Variants in PTPRK observed in about 807,000 individuals in gnomAD.
The protein encoded by PTPRK is protein tyrosine phosphatase receptor type K.
Under a neutral mutation model 178.0 loss-of-function variants are expected in PTPRK, and 75 were observed. The ratio of observed to expected loss-of-function variants is 0.42; its 90% CI spans 0.35 to 0.51. The LOEUF is 0.51. Ranked by LOEUF, PTPRK falls within the 20% of genes least tolerant of loss-of-function variation. PTPRK has a pLI of 0.02. For synonymous variants in PTPRK, 637 were observed against 620.6 expected (o/e 1.03, Z -0.39); for missense variants, 1,441 against 1,797.8 (o/e 0.80, Z 3.59).
In PTPRK at chr6:128,397,555, G is replaced by A; in HGVS notation, c.223+11C>T. On this transcript the variant is annotated intron_variant, in intron 2 of 29. Transcript: ENST00000368226. ...ATTCCCCCAACACTGACTAAACAGA[G>A]TGACTCTCACCTTGGGGCATCTCGG... The A allele has an allele frequency of 6.2e-7, 1 of 1,613,690 alleles. No individual in the cohort carries two copies. Among genetic ancestry groups the A allele is most frequent in the Non-Finnish European group, 8.5e-7 (1 of 1,179,806 alleles).
chr6:128,324,471 TG>T (rs1829277085), intron 2 of PTPRK, among the ~76,000 whole-genome samples: 1 of 152,116 alleles, frequency 6.6e-6, no homozygotes, highest in Admixed American at 6.6e-5. Flanking sequence ...GGAAACCGGA[TG>T]GGCAAGGTAT....
Position 128,104,694 on chromosome 6 carries a change from C to T in PTPRK, c.1163-14702G>A, listed in dbSNP as rs112713032. Among the ~76,000 whole-genome samples, 756 of 152,190 alleles carry T rather than the reference C, an allele frequency of 5.0e-3. 7 individuals carry two copies. The highest frequency in any genetic ancestry group is 0.018 in the African/African-American group (727 of 41,522). ...TTTTTACTGATTGAAGGTTACTCTT[C>T]GGTAACAGAAAAGCCATCAACGAAA... On this transcript the variant is annotated intron_variant, in intron 7 of 29. Coordinates refer to ENST00000368226, the MANE Select transcript of PTPRK (RefSeq NM_002844.4).
intron 7 of PTPRK, among the ~76,000 whole-genome samples, chr6:128,152,496 A>G (rs551884559): frequency 1.3e-5 from 2 of 151,916 alleles, no homozygotes; most frequent in Non-Finnish European, 2.9e-5. Flanking sequence ...CTGACAGGGT[A>G]GGGAAAGGAG....
At chr6:128,044,001 G>A (rs962901533) in intron 13 of PTPRK, among the ~76,000 whole-genome samples, 1 of 151,796 alleles carries the variant, frequency 6.6e-6, no homozygotes, top group African/African-American at 2.4e-5. Context: ...GAAAATATTT[G>A]GAATATATAA....
chr6:128,496,691 C>A (rs1017241057), intron 1 of PTPRK, among the ~76,000 whole-genome samples: 1 of 152,124 alleles, frequency 6.6e-6, no homozygotes, highest in Admixed American at 6.5e-5. Context: ...TTATTAGCAT[C>A]CTGTAAGATT....
chr6:128,131,365 A>C (rs1260712634), intron 7 of PTPRK, among the ~76,000 whole-genome samples: 2 of 152,156 alleles, frequency 1.3e-5, no homozygotes, highest in African/African-American at 4.8e-5. Flanking sequence ...ACCATGCCTG[A>C]CTTAATAAAA....
At chr6:128,314,143 T>C (rs1827660871) in intron 3 of PTPRK, among the ~76,000 whole-genome samples, 1 of 152,198 alleles carries the variant, frequency 6.6e-6, no homozygotes, top group South Asian at 2.1e-4. Flanking sequence ...CAGGTGACAG[T>C]TCTTCCTAGA....
chr6:128,191,090 G>C (rs1803713124), intron 6 of PTPRK, among the ~76,000 whole-genome samples: 1 of 152,246 alleles, frequency 6.6e-6, no homozygotes, highest in East Asian at 1.9e-4. Context: ...CATGAAATAA[G>C]CACACATGAT....
intron 1 of PTPRK, among the ~76,000 whole-genome samples, chr6:128,492,404 T>G (rs12204168): frequency 0.027 from 4,132 of 152,306 alleles, 71 homozygotes; most frequent in Middle Eastern, 0.065. Context: ...TTTAAGCAAC[T>G]GCCTACTCAA....
At chr6:128,477,604 G>T (rs184039569) in intron 1 of PTPRK, among the ~76,000 whole-genome samples, 1 of 152,200 alleles carries the variant, frequency 6.6e-6, no homozygotes, top group Admixed American at 6.5e-5. Flanking sequence ...AATTCTAAAA[G>T]CTAAATTTCA....
intron 27 of PTPRK, 90 bp from the exon 28 acceptor site, chr6:127,973,917 C>CGACCACCGAG: frequency 3.2e-6 from 4 of 1,261,132 alleles, no homozygotes; most frequent in South Asian, 3.0e-5. Context: ...ATACAAATGG[C>CGACCACCGAG]ATCTACACTG....
At chr6:128,354,231 GTTTTTTTTTTTTT>G (rs756148554) in intron 2 of PTPRK, among the ~76,000 whole-genome samples, 1 of 49,358 alleles carries the variant, frequency 2.0e-5, no homozygotes, top group Non-Finnish European at 3.2e-5. Flanking sequence ...TTTTGTTTAT[GTTTTTTTTTTTTT>G]TTTTTTTTTT....
intron 1 of PTPRK, among the ~76,000 whole-genome samples, chr6:128,463,432 T>C (rs1482718927): frequency 6.6e-6 from 1 of 152,194 alleles, no homozygotes; most frequent in Non-Finnish European, 1.5e-5. Context: ...GTTGAATGCC[T>C]GTGATGTACA....
intron 1 of PTPRK, among the ~76,000 whole-genome samples, chr6:128,410,483 G>A (rs1161535423): frequency 6.6e-6 from 1 of 152,048 alleles, no homozygotes; most frequent in Non-Finnish European, 1.5e-5. Flanking sequence ...ACTTTTTGCT[G>A]GGCAGATATT....
intron 1 of PTPRK, among the ~76,000 whole-genome samples, chr6:128,471,928 A>G (rs2128418894): frequency 6.6e-6 from 1 of 152,200 alleles, no homozygotes; most frequent in Non-Finnish European, 1.5e-5. Context: ...CCAGCTTATG[A>G]GCGGGCAATA....
chr6:127,979,466 T>G (rs75973508), intron 25 of PTPRK, among the ~76,000 whole-genome samples: 3,110 of 152,328 alleles, frequency 0.02, 53 homozygotes, highest in African/African-American at 0.044. Context: ...TTGTATGCCA[T>G]CTCTCTATTT....
intron 19 of PTPRK, 78 bp from the exon 20 acceptor site, chr6:127,991,469 C>T: frequency 9.3e-7 from 1 of 1,070,718 alleles, no homozygotes; most frequent in Non-Finnish European, 1.3e-6. Context: ...AGATAAGAAG[C>T]AGAGTAAACT....
chr6:128,265,727 A>G (rs545699235), intron 3 of PTPRK, among the ~76,000 whole-genome samples: 70 of 152,010 alleles, frequency 4.6e-4, no homozygotes, highest in Non-Finnish European at 9.6e-4. Context: ...CTAAGGTGGT[A>G]CAACATTTAA....
intron 1 of PTPRK, among the ~76,000 whole-genome samples, chr6:128,451,728 TCTCA>T (rs986652154): frequency 1.3e-5 from 2 of 152,152 alleles, no homozygotes; most frequent in African/African-American, 4.8e-5. Context: ...TTTTCTAATC[TCTCA>T]GTTTTAATTT....
Sources: gnomAD v4.1 joint callset for allele counts (sites outside exome capture counted in the v4.1 genomes callset) on GRCh38, gnomAD v4.1.1 for gene constraint, MANE v1.5 for transcripts, NCBI Gene and HGNC (gene_info 2026-07-23, HGNC 2026-07-21) for gene names.